The following SCN3A variants were observed in gnomAD, a reference collection of about 807,000 sequenced individuals.
The protein encoded by SCN3A is sodium voltage-gated channel alpha subunit 3, also known as sodium channel protein type 3 subunit alpha.
SCN3A carries 60 observed loss-of-function variants against 187.6 expected under a neutral mutation model. The observed-to-expected ratio is 0.32, with a 90% confidence interval of 0.26 to 0.40. The LOEUF (loss-of-function observed/expected upper bound fraction) is 0.40. Among genes scored for constraint, SCN3A ranks in the 10% least tolerant of loss-of-function variants. The pLI, the probability that SCN3A is intolerant of heterozygous loss-of-function variation, is 1.00. For synonymous variants in SCN3A, 788 were observed against 829.2 expected, an observed-to-expected ratio of 0.95 and a Z score of 0.85; for missense variants, 1,601 against 2,428.2, an observed-to-expected ratio of 0.66 and a Z score of 7.16.
intron 20 of SCN3A, 94 bp downstream of exon 20, chr2:165,113,722 T>G (rs1257592815): frequency 1.4e-6 from 2 of 1,385,144 alleles, no homozygotes; most frequent in Non-Finnish European, 2.0e-6. Context: ...ATGCCTTTTC[T>G]TTTGATTCTG....
At chr2:165,189,134 C>A (rs111973709) in intron 1 of SCN3A, among the ~76,000 whole-genome samples, 1,622 of 152,178 alleles carry the variant, frequency 0.011, 21 homozygotes, top group African/African-American at 0.037. Flanking sequence ...AAAAACAAAA[C>A]AAACACATTT....
chr2:165,090,155 T>C lies in SCN3A; in HGVS notation c.5998A>G (p.Lys2000Glu), dbSNP rs1040498167. The C allele has an allele frequency of 3.2e-6, 5 of 1,577,430 alleles. No homozygotes were observed. The highest frequency in any genetic ancestry group is 3.5e-6 in the Non-Finnish European group (4 of 1,157,520). ...SKGKEVRENQ[K>E] ...AGATAATTCTTTGTTTCTTTTTACTTTTGATTTTCTCTGACCTCTTTTCCT... is the reference window on the plus strand; with the variant it reads ...AGATAATTCTTTGTTTCTTTTTACTCTTGATTTTCTCTGACCTCTTTTCCT... Residue 2000 changes from lysine (K) to glutamate (E), a missense_variant, in exon 28 of 28, where the codon AAG (lysine) becomes GAG (glutamate). Lys to Glu is a moderately conservative substitution (Grantham distance 56). This residue lies in a region of SCN3A where 87 missense variants were observed against 89.2 expected (regional missense o/e 0.98). Coordinates refer to ENST00000283254, the MANE Select transcript of SCN3A (RefSeq NM_006922.4). The surrounding 1 kb of genome is among the most constrained non-coding windows in gnomAD (Gnocchi z 4.0).
At chr2:165,200,160 G>A (rs768431262) in intron 1 of SCN3A, among the ~76,000 whole-genome samples, 2 of 151,970 alleles carry the variant, frequency 1.3e-5, no homozygotes, top group Admixed American at 6.6e-5. Context: ...AAAATTAATC[G>A]AAAATTTAAA....
At chr2:165,101,449 C>T (rs1422761929) in intron 21 of SCN3A, among the ~76,000 whole-genome samples, 1 of 152,100 alleles carries the variant, frequency 6.6e-6, no homozygotes, top group Non-Finnish European at 1.5e-5. Flanking sequence ...CACCCCCACC[C>T]ACAACAACAA....
intron 3 of SCN3A, among the ~76,000 whole-genome samples, chr2:165,171,650 G>A (rs1690108246): frequency 6.6e-6 from 1 of 151,936 alleles, no homozygotes; most frequent in Non-Finnish European, 1.5e-5. Flanking sequence ...CCTTAATCAT[G>A]TCCTTCCAAA....
intron 2 of SCN3A, among the ~76,000 whole-genome samples, chr2:165,184,485 A>G (rs79480050): frequency 9.4e-6 from 1 of 106,414 alleles, no homozygotes; most frequent in Non-Finnish European, 1.8e-5. Context: ...CTAGTTCAGA[A>G]AAAAAAAAAA....
At chr2:165,184,485 AAAAAAAAAAAAAAAG>A (rs1401981373) in intron 2 of SCN3A, among the ~76,000 whole-genome samples, 3 of 106,414 alleles carry the variant, frequency 2.8e-5, no homozygotes, top group Admixed American at 1.0e-4. Context: ...CTAGTTCAGA[AAAAAAAAAAAAAAAG>A]AAAAAAAAAA....
Position 165,097,290 on chromosome 2 carries a change from C to G in SCN3A, c.4201G>C (p.Asp1401His), listed in dbSNP as rs1168205278. 1 of 1,613,936 alleles carries G rather than the reference C, an allele frequency of 6.2e-7. No homozygotes were observed. The highest frequency in any genetic ancestry group is 1.3e-5 in the African/African-American group (1 of 74,904). Residue 1401 changes from aspartate to histidine, a missense_variant, in exon 23 of 28, where the codon GAT (aspartate) becomes CAT (histidine). Asp to His is a moderately conservative substitution (Grantham distance 81, BLOSUM62 -1). Around this residue, in one of 11 missense-constraint regions of SCN3A, gnomAD observed 320 missense variants for 623.2 expected, o/e 0.51. Transcript: ENST00000283254. ...GCAAGATAGCCAGCGCCAACATTAT[C>G]AAAGTTTACTTTCACGTTTTTCCAC... ...ARWKNVKVNF[D>H]NVGAGYLALL...
At chr2:165,126,900 T>C (rs978382372) in intron 18 of SCN3A, among the ~76,000 whole-genome samples, 2 of 152,188 alleles carry the variant, frequency 1.3e-5, no homozygotes, top group Non-Finnish European at 2.9e-5. Flanking sequence ...ACTATCATAG[T>C]GAATAAGACT....
chr2:165,185,727 A>G (rs1691187661), intron 2 of SCN3A, among the ~76,000 whole-genome samples: 1 of 152,128 alleles, frequency 6.6e-6, no homozygotes, highest in African/African-American at 2.4e-5. Flanking sequence ...AGTTTTAGAC[A>G]GTTTTTCTAG....
rs201995573 is a variant in SCN3A, at chr2:165,140,714, A to G, written c.1956T>C (p.Gly652=). The G allele has an allele frequency of 1.9e-6, 3 of 1,613,956 alleles. No individual in the cohort carries two copies. In the African/African-American group the frequency reaches 4.0e-5, roughly 22 times the overall value. Residue 652 remains glycine (G), a synonymous_variant, in exon 13 of 28, where the codon GGT becomes GGC. Coordinates refer to ENST00000283254, the MANE Select transcript of SCN3A (RefSeq NM_006922.4). The surrounding 1 kb of genome is among the most constrained non-coding windows in gnomAD (Gnocchi z 4.2). Reference sequence around the variant, plus strand: ...AAGGTCCACCCACCAAGGAAACCACACCATTGCAATCCACAGTGCTGTGCA... The same window carrying G: ...AAGGTCCACCCACCAAGGAAACCACGCCATTGCAATCCACAGTGCTGTGCA... ...GKMHSTVDCN[G]VVSLVGGPSA... is the part of the protein sequence containing the mutation.
intron 21 of SCN3A, among the ~76,000 whole-genome samples, chr2:165,101,947 A>G (rs1242385644): frequency 6.6e-6 from 1 of 152,234 alleles, no homozygotes; most frequent in African/African-American, 2.4e-5. Context: ...GATTAGTGGC[A>G]GGATAATTGA....
At chr2:165,133,748 A>G (rs1687499756) in intron 15 of SCN3A, among the ~76,000 whole-genome samples, 1 of 151,986 alleles carries the variant, frequency 6.6e-6, no homozygotes, top group Admixed American at 6.6e-5. Context: ...TAATTTTAAA[A>G]CATTTCATGG....
At chr2:165,128,920 A>T (rs1388432751) in intron 17 of SCN3A, among the ~76,000 whole-genome samples, 1 of 152,170 alleles carries the variant, frequency 6.6e-6, no homozygotes, top group Admixed American at 6.5e-5. Context: ...ATAATTCATT[A>T]TTTCTGATGT....
At chr2:165,130,403 T>C in intron 16 of SCN3A, 107 bp from the exon 17 acceptor site, 1 of 1,155,998 alleles carries the variant, frequency 8.7e-7, no homozygotes, top group Non-Finnish European at 1.3e-6. Context: ...ATGTAAAAAC[T>C]CAAAATATAC....
At chr2:165,193,265 A>G (rs1559282324) in intron 1 of SCN3A, among the ~76,000 whole-genome samples, 1 of 152,078 alleles carries the variant, frequency 6.6e-6, no homozygotes, top group Non-Finnish European at 1.5e-5. Flanking sequence ...CTGGATCAAT[A>G]GTTTTTCTAT....
intron 15 of SCN3A, among the ~76,000 whole-genome samples, chr2:165,133,123 T>G (rs945986669): frequency 1.3e-5 from 2 of 152,038 alleles, no homozygotes; most frequent in African/African-American, 4.8e-5. Flanking sequence ...ATTAAAAAGT[T>G]AGGAAACAAC....
At chr2:165,156,489 G>A (rs532147687) in intron 9 of SCN3A, among the ~76,000 whole-genome samples, 10 of 119,456 alleles carry the variant, frequency 8.4e-5, no homozygotes, top group Non-Finnish European at 1.4e-4. Flanking sequence ...CTCCAGCCTG[G>A]GTGACAGAGC....
chr2:165,171,253 G>GGGAAATT (rs1690085958), intron 3 of SCN3A, among the ~76,000 whole-genome samples: 1 of 151,832 alleles, frequency 6.6e-6, no homozygotes, highest in South Asian at 2.1e-4. Context: ...AGTCATCTTT[G>GGGAAATT]CTATGGCCAA....
Sources: gnomAD v4.1 joint callset for allele counts (sites outside exome capture counted in the v4.1 genomes callset) on GRCh38, gnomAD v4.1.1 for gene constraint, gnomAD v4.1.1 regional missense constraint, Gnocchi (gnomAD v3.1) non-coding constraint, MANE v1.5 for transcripts, NCBI Gene and HGNC (gene_info 2026-07-23, HGNC 2026-07-21) for gene names.